Variants in PCDHGB3 observed in about 807,000 individuals in gnomAD.
The protein encoded by PCDHGB3 is protocadherin gamma-B3.
PCDHGB3 carries 40 observed loss-of-function variants against 59.2 expected under a neutral mutation model. The observed-to-expected ratio is 0.68, with a 90% CI of 0.52 to 0.88. PCDHGB3 has a LOEUF of 0.88. Among genes scored for constraint, PCDHGB3 ranks in the 40% least tolerant of loss-of-function variants. The pLI is 0.00. For synonymous variants in PCDHGB3, 581 were observed against 503.6 expected (o/e 1.15, Z -2.06); for missense variants, 1,309 against 1,187.9 (o/e 1.10, Z -1.50).
intron 1 of PCDHGB3, chr5:141,404,268 C>A (rs1334326806): frequency 1.2e-6 from 2 of 1,613,860 alleles, no homozygotes; most frequent in African/African-American, 2.7e-5. Context: ...ATTCACATCA[C>A]CCTGCAAGTG....
chr5:141,473,974 C>G (rs958240236), intron 1 of PCDHGB3, among the ~76,000 whole-genome samples: 33 of 152,054 alleles, frequency 2.2e-4, no homozygotes, highest in Admixed American at 2.2e-3. Context: ...AAGTCTGAGG[C>G]GGGAGGATCC....
chr5:141,469,213 G>A (rs866405809), intron 1 of PCDHGB3, among the ~76,000 whole-genome samples: 21 of 150,912 alleles, frequency 1.4e-4, no homozygotes, highest in African/African-American at 5.1e-4. Flanking sequence ...TGAAGTTGAG[G>A]CTTCAGTGAG....
chr5:141,422,961 G>A, intron 1 of PCDHGB3: 1 of 1,614,234 alleles, frequency 6.2e-7, no homozygotes, highest in Non-Finnish European at 8.5e-7. Flanking sequence ...GCGTGGAGCT[G>A]GCGCCCCGCT....
In PCDHGB3 at chr5:141,381,283, C is replaced by T. The variant is rs142136901; in HGVS notation, c.2415+8474C>T. On this transcript the variant is annotated intron_variant, in intron 1 of 3. Transcript: ENST00000576222. ...AAACCAAGACTGTTTCTTGCCAGGT[C>T]TTTATTCCAGAGCAGGTCATTCTCT... 3.8e-3 allele frequency among the ~76,000 whole-genome samples: 584 copies of T among 152,356 alleles called. 6 individuals are homozygous for T. The highest frequency in any genetic ancestry group is 0.011 in the Admixed American group (170 of 15,296).
At position 141,375,721 on chromosome 5, in the gene PCDHGB3, G is replaced by C. The variant is rs1194190814; in HGVS notation, c.2415+2912G>C. The stretch of plus-strand genomic sequence containing the variant: ...GGGACCCGCCTCTTAGCAGCAACGT[G>C]TCACTGAGCCTGTTTGTGCTGGACC... On this transcript the variant is annotated intron_variant, in intron 1 of 3. Transcript: ENST00000576222. The C allele has an allele frequency of 2.5e-6, 4 of 1,614,148 alleles. No homozygotes were observed. In the African/African-American group the frequency reaches 4.0e-5, roughly 16 times the overall value.
chr5:141,417,939 C>T, intron 1 of PCDHGB3: 1 of 1,612,862 alleles, frequency 6.2e-7, no homozygotes, highest in Non-Finnish European at 8.5e-7. Context: ...TTGTTCTACC[C>T]CACGCTGTGT....
chr5:141,419,945 T>TTGGCCTTGATTTCTG (rs1205104698), intron 1 of PCDHGB3: 6 of 1,613,970 alleles, frequency 3.7e-6, no homozygotes, highest in Non-Finnish European at 4.2e-6. Flanking sequence ...GGTGGTGGCC[T>TTGGCCTTGATTTCTG]TGGCCTTGAT....
At chr5:141,472,323 C>T (rs980684595) in intron 1 of PCDHGB3, among the ~76,000 whole-genome samples, 4 of 151,498 alleles carry the variant, frequency 2.6e-5, no homozygotes, top group East Asian at 2.0e-4. Flanking sequence ...AGGCAGATCA[C>T]GAGGTTGGGA....
At chr5:141,433,395 C>CTATA (rs1426636882) in intron 1 of PCDHGB3, among the ~76,000 whole-genome samples, 2 of 150,654 alleles carry the variant, frequency 1.3e-5, no homozygotes, top group African/African-American at 4.9e-5. Context: ...ATCTATCTAT[C>CTATA]TATCTATCTA....
chr5:141,383,476 GA>G, intron 1 of PCDHGB3: 2 of 1,613,748 alleles, frequency 1.2e-6, no homozygotes, highest in Non-Finnish European at 1.7e-6. Context: ...TAAGTACCCG[GA>G]ACTGGTGCTG....
At chr5:141,397,871 C>G (rs2093579938) in intron 1 of PCDHGB3, 6 of 574,628 alleles carry the variant, frequency 1.0e-5, no homozygotes, top group Non-Finnish European at 1.8e-5. Flanking sequence ...AGTGCTGACT[C>G]TGGGCGCCGC....
At position 141,489,861 on chromosome 5, in the gene PCDHGB3, A is replaced by G. The variant is rs1221756350; in HGVS notation, c.2416-4946A>G. The G allele has an allele frequency of 1.2e-5, 19 of 1,614,058 alleles. No individual in the cohort carries two copies. Among genetic ancestry groups the G allele is most frequent in the Non-Finnish European group, 1.5e-5 (18 of 1,179,998 alleles). On this transcript the variant is annotated intron_variant, in intron 1 of 3. Transcript: ENST00000576222. The surrounding 1 kb of genome is among the most constrained non-coding windows in gnomAD (Gnocchi z 4.5). ...AGCTGGATCGTGAAGCCCAGGCAAGACATCAGCTGGTGCTTACTGCTGTGG... is the reference window on the plus strand; with the variant it reads ...AGCTGGATCGTGAAGCCCAGGCAAGGCATCAGCTGGTGCTTACTGCTGTGG...
chr5:141,401,516 T>G (rs375937507), intron 1 of PCDHGB3, among the ~76,000 whole-genome samples: 3 of 152,320 alleles, frequency 2.0e-5, no homozygotes, highest in South Asian at 2.1e-4. Context: ...CTCTATATAA[T>G]TACCAGAAGA....
At chr5:141,418,489 G>C (rs774653264) in intron 1 of PCDHGB3, 26 of 1,613,874 alleles carry the variant, frequency 1.6e-5, no homozygotes, top group Admixed American at 1.5e-4. Context: ...CTCACCACTT[G>C]GTACTGACCG....
Position 141,477,678 on chromosome 5 carries a change from C to T in PCDHGB3, c.2416-17129C>T, listed in dbSNP as rs967769574. ...AATCGTGACAATGGCATAGTGTCAT[C>T]CTTAGTGCCCCTAGACTATGAGGAT... On this transcript the variant is annotated intron_variant, in intron 1 of 3. Coordinates refer to ENST00000576222, the MANE Select transcript of PCDHGB3 (RefSeq NM_018924.5). This position sits in a 1 kb window ranked among gnomAD's most constrained non-coding sequence, Gnocchi z 4.9. 9.9e-6 allele frequency: 16 copies of T among 1,614,182 alleles called. No homozygotes were observed. The highest frequency in any genetic ancestry group is 1.1e-5 in the Non-Finnish European group (13 of 1,180,046).
Position 141,431,605 on chromosome 5 carries a change from G to A in PCDHGB3, c.2415+58796G>A. ...ATGCGGAAGTGAGGTATTCCTTCCGGTATGTGGACGACAAGGCGGCCCAAG... is the reference window on the plus strand; with the variant it reads ...ATGCGGAAGTGAGGTATTCCTTCCGATATGTGGACGACAAGGCGGCCCAAG... On this transcript the variant is annotated intron_variant, in intron 1 of 3. Transcript: ENST00000576222. This position sits in a 1 kb window ranked among gnomAD's most constrained non-coding sequence, Gnocchi z 4.8. 2 of 1,614,236 alleles carry A rather than the reference G, an allele frequency of 1.2e-6. No individual in the cohort carries two copies. The highest frequency in any genetic ancestry group is 1.7e-6 in the Non-Finnish European group (2 of 1,180,044).
In PCDHGB3 at chr5:141,432,986, G is replaced by A. The variant is rs2097557714; in HGVS notation, c.2415+60177G>A. ...AGCGCCGGCGTCGCACTTTGTGGGC[G>A]TGGACGGGGTGCAGGCTTTCCTGCA... On this transcript the variant is annotated intron_variant, in intron 1 of 3. Transcript: ENST00000576222. This position sits in a 1 kb window ranked among gnomAD's most constrained non-coding sequence, Gnocchi z 6.0. 6 of 1,614,258 alleles carry A rather than the reference G, an allele frequency of 3.7e-6. No individual in the cohort carries two copies. In the Middle Eastern group the frequency reaches 4.9e-4, roughly 133 times the overall value.
chr5:141,465,801 C>T (rs1380215288), intron 1 of PCDHGB3, among the ~76,000 whole-genome samples: 2 of 151,400 alleles, frequency 1.3e-5, no homozygotes, highest in Non-Finnish European at 2.9e-5. Context: ...TTAAGAAACC[C>T]TTCAGGATCT....
Position 141,371,470 on chromosome 5 carries a change from A to T in PCDHGB3, c.1076A>T (p.Asp359Val), listed in dbSNP as rs1215048137. The change falls in exon 1 of 4, where the codon GAT becomes GTT. Residue 359 changes from aspartate to valine, a missense_variant. Transcript: ENST00000576222. Reference sequence around the variant, plus strand: ...TCTGAATCCCAACATATACAAGAAGATGCTGAGCTGGGGACTGCCGTTGCC... The same window carrying T: ...TCTGAATCCCAACATATACAAGAAGTTGCTGAGCTGGGGACTGCCGTTGCC... ...LASESQHIQE[D>V]AELGTAVALI... 1 of 1,613,998 alleles carries T rather than the reference A, an allele frequency of 6.2e-7. No homozygotes were observed. Among genetic ancestry groups the T allele is most frequent in the Admixed American group, 1.7e-5 (1 of 60,018 alleles).
Sources: allele counts gnomAD v4.1 joint callset (sites outside exome capture counted in the v4.1 genomes callset), GRCh38; gene constraint gnomAD v4.1.1; non-coding constraint Gnocchi (gnomAD v3.1); transcripts MANE v1.5; gene names NCBI Gene and HGNC (gene_info 2026-07-23, HGNC 2026-07-21).